The following THRB variants were observed in gnomAD, a reference collection of about 807,000 sequenced individuals.
The protein encoded by THRB is nuclear receptor subfamily 1 group A member 2.
A neutral mutation model predicts 47.8 loss-of-function variants in THRB; 12 were observed. The observed-to-expected ratio is 0.25, with a 90% CI of 0.16 to 0.41. THRB has a LOEUF of 0.41. THRB is among the 10% of genes least tolerant of loss of function. The probability of loss-of-function intolerance (pLI) is 1.00; values close to 1 mark genes in which losing one functional copy is unlikely to be tolerated. For synonymous variants in THRB, 218 were observed against 212.2 expected, an observed-to-expected ratio of 1.03 and a Z score of -0.24; for missense variants, 348 against 589.2, an observed-to-expected ratio of 0.59 and a Z score of 4.24.
chr3:24,197,695 C>T (rs1398704414), intron 4 of THRB, among the ~76,000 whole-genome samples: 1 of 152,138 alleles, frequency 6.6e-6, no homozygotes, highest in Non-Finnish European at 1.5e-5. Flanking sequence ...GGTTTTTATT[C>T]ATTTAGGAAT....
chr3:24,386,106 G>A (rs73825634), intron 1 of THRB, among the ~76,000 whole-genome samples: 51 of 152,210 alleles, frequency 3.4e-4, no homozygotes, highest in African/African-American at 1.2e-3. Context: ...CAAGGAGGAG[G>A]TTCCAGAGTC....
At chr3:24,490,318 C>G (rs1314066460) in intron 1 of THRB, among the ~76,000 whole-genome samples, 5 of 152,166 alleles carry the variant, frequency 3.3e-5, no homozygotes, top group African/African-American at 1.2e-4. Flanking sequence ...GCCCTTCAAG[C>G]AAAACAGACA....
At chr3:24,476,180 G>GT (rs1695425348) in intron 1 of THRB, among the ~76,000 whole-genome samples, 1 of 152,180 alleles carries the variant, frequency 6.6e-6, no homozygotes, top group African/African-American at 2.4e-5. Flanking sequence ...AACCACCTTG[G>GT]TTTCACCCCA....
chr3:24,238,723 T>C (rs774148100), intron 3 of THRB, among the ~76,000 whole-genome samples: 1 of 152,178 alleles, frequency 6.6e-6, no homozygotes, highest in Non-Finnish European at 1.5e-5. Context: ...CTTCAGATTT[T>C]TAACCCTGGG....
intron 2 of THRB, among the ~76,000 whole-genome samples, chr3:24,332,697 C>A (rs559607110): frequency 6.6e-6 from 1 of 152,246 alleles, no homozygotes; most frequent in East Asian, 1.9e-4. Flanking sequence ...TTTCAACCTG[C>A]TTTTAAATCG....
At chr3:24,294,343 C>A (rs1218146956) in intron 3 of THRB, among the ~76,000 whole-genome samples, 1 of 152,144 alleles carries the variant, frequency 6.6e-6, no homozygotes, top group Non-Finnish European at 1.5e-5. Context: ...ACTGAAGAAT[C>A]ATGAGAGGTA....
At chr3:24,278,765 G>T (rs1001786550) in intron 3 of THRB, among the ~76,000 whole-genome samples, 1 of 152,176 alleles carries the variant, frequency 6.6e-6, no homozygotes, top group Non-Finnish European at 1.5e-5. Context: ...AACCAGCACA[G>T]CACCCAACGT....
At chr3:24,209,646 A>G (rs2045801045) in intron 4 of THRB, among the ~76,000 whole-genome samples, 1 of 152,192 alleles carries the variant, frequency 6.6e-6, no homozygotes, top group Non-Finnish European at 1.5e-5. Flanking sequence ...GGACACAGGA[A>G]GAGGAACATC....
intron 1 of THRB, among the ~76,000 whole-genome samples, chr3:24,492,361 AAAAC>A (rs570016892): frequency 1.4e-3 from 217 of 152,340 alleles, no homozygotes; most frequent in Non-Finnish European, 1.8e-3. Context: ...AAAGAAGAAC[AAAAC>A]AAACAAACAA....
chr3:24,489,944 C>T (rs561978158), intron 1 of THRB, among the ~76,000 whole-genome samples: 1 of 152,244 alleles, frequency 6.6e-6, no homozygotes, highest in East Asian at 1.9e-4. Context: ...TACTTGGATA[C>T]AAGAGATTCT....
chr3:24,130,464 G>A lies in THRB; in HGVS notation c.886-2707C>T, dbSNP rs116645791. On this transcript the variant is annotated intron_variant, in intron 9 of 10. Transcript: ENST00000646209. ...AAACCATCTCAGGGGCTGGGGGGGC[G>A]GTGGCATTCAAAGGGTACCATATGA... Among the ~76,000 whole-genome samples the A allele has an allele frequency of 9.8e-3, 1,492 of 152,192 alleles. 31 individuals are homozygous for A. The highest frequency in any genetic ancestry group is 0.034 in the African/African-American group (1,429 of 41,526).
intron 5 of THRB, among the ~76,000 whole-genome samples, chr3:24,184,691 G>T (rs1476986600): frequency 6.6e-6 from 1 of 152,162 alleles, no homozygotes; most frequent in Non-Finnish European, 1.5e-5. Context: ...TCGTTCTCAT[G>T]TTGATTGCTA....
chr3:24,199,677 T>A (rs1475729174), intron 4 of THRB, among the ~76,000 whole-genome samples: 1 of 152,220 alleles, frequency 6.6e-6, no homozygotes, highest in Admixed American at 6.5e-5. Flanking sequence ...GTACAATGAT[T>A]GATAATCTTT....
At chr3:24,253,628 G>C (rs150686243) in intron 3 of THRB, among the ~76,000 whole-genome samples, 149 of 152,268 alleles carry the variant, frequency 9.8e-4, no homozygotes, top group African/African-American at 3.3e-3. Flanking sequence ...ATTGTCACAT[G>C]GGGCTGTGGA....
At chr3:24,343,905 ATATTTATTTATATATTATATAT>A (rs201506297) in intron 1 of THRB, among the ~76,000 whole-genome samples, 1,519 of 147,360 alleles carry the variant, frequency 0.01, 38 homozygotes, top group African/African-American at 0.036. Flanking sequence ...TGATATATAT[ATATTTATTTATATATTATATAT>A]TATTTATTTA....
chr3:24,307,419 A>C (rs909698332), intron 2 of THRB, among the ~76,000 whole-genome samples: 1 of 152,018 alleles, frequency 6.6e-6, no homozygotes, highest in African/African-American at 2.4e-5. Context: ...ATTCTAAATA[A>C]ATTCCCTTCT....
chr3:24,370,147 T>C (rs1306446316), intron 1 of THRB, among the ~76,000 whole-genome samples: 1 of 152,136 alleles, frequency 6.6e-6, no homozygotes, highest in African/African-American at 2.4e-5. Flanking sequence ...TGAGACTGCT[T>C]AGAACGGGGC....
chr3:24,469,665 G>C (rs1432087303), intron 1 of THRB, among the ~76,000 whole-genome samples: 1 of 152,134 alleles, frequency 6.6e-6, no homozygotes, highest in Non-Finnish European at 1.5e-5. Flanking sequence ...ACTACAATGA[G>C]GTGTAAGAAA....
chr3:24,328,096 A>G lies in THRB; in HGVS notation c.-189+9204T>C, dbSNP rs1166990361. Among the ~76,000 whole-genome samples, 3 of 152,306 alleles carry G rather than the reference A, an allele frequency of 2.0e-5. 1 individual carries two copies. Among genetic ancestry groups the G allele is most frequent in the Non-Finnish European group, 2.9e-5 (2 of 68,026 alleles). ...AAGTACACATTAAAGCAGCCTCACT[A>G]TTGGGGTTTCTAGTTTGTTAAGATT... On this transcript the variant is annotated intron_variant, in intron 2 of 10. Coordinates refer to ENST00000646209, the MANE Select transcript of THRB (RefSeq NM_001354712.2).
Sources: gnomAD v4.1 joint callset for allele counts (sites outside exome capture counted in the v4.1 genomes callset) on GRCh38, gnomAD v4.1.1 for gene constraint, MANE v1.5 for transcripts, NCBI Gene and HGNC (gene_info 2026-07-23, HGNC 2026-07-21) for gene names.